Variants in MYRFL observed in about 807,000 individuals in gnomAD.
MYRFL encodes myelin regulatory factor like, also known as myelin regulatory factor-like protein.
A neutral mutation model predicts 109.4 loss-of-function variants in MYRFL; 88 were observed. That is an observed-to-expected ratio of 0.80 (90% CI 0.68 to 0.96). The LOEUF is 0.96. Among genes scored for constraint, MYRFL ranks in the 40% least tolerant of loss-of-function variants. The probability of loss-of-function intolerance (pLI) is 0.00; values close to 1 mark genes in which losing one functional copy is unlikely to be tolerated. For missense variants in MYRFL, 957 were observed against 954.9 expected, an observed-to-expected ratio of 1.00 and a Z score of -0.03; for synonymous variants, 324 against 320.9, an observed-to-expected ratio of 1.01 and a Z score of -0.10.
chr12:69,958,934 ACT>A lies in MYRFL; in HGVS notation c.*406_*407del, dbSNP rs2120573182. The A allele has an allele frequency of 5.3e-6, 1 of 188,368 alleles. No individual in the cohort carries two copies. The highest frequency in any genetic ancestry group is 1.1e-4 in the South Asian group (1 of 9,052). The allele number at this position is 188,368 out of a possible 1,614,324, so 11.7% of individuals were successfully genotyped here. ...GTCGACTTCGGCCCACTAAACATAGACTCTTGAGAATGTGTGATATGGTATGT... is the reference window on the plus strand; with the variant it reads ...GTCGACTTCGGCCCACTAAACATAGACTTGAGAATGTGTGATATGGTATGT... On this transcript the variant is annotated 3_prime_UTR_variant, in exon 25 of 25. Coordinates refer to ENST00000552032, the MANE Select transcript of MYRFL (RefSeq NM_182530.3).
chr12:69,945,606 G>A (rs1295164036), intron 19 of MYRFL, among the ~76,000 whole-genome samples: 1 of 152,154 alleles, frequency 6.6e-6, no homozygotes. Context: ...ATGTAGTTAA[G>A]CAATGCATGA....
At chr12:69,892,941 T>G (rs184409602) in intron 7 of MYRFL, among the ~76,000 whole-genome samples, 1 of 152,220 alleles carries the variant, frequency 6.6e-6, no homozygotes, top group Non-Finnish European at 1.5e-5. Flanking sequence ...AAGGACCCCA[T>G]AAAAATATTG....
chr12:69,875,325 T>C (rs933111042), intron 2 of MYRFL, among the ~76,000 whole-genome samples: 2 of 152,122 alleles, frequency 1.3e-5, no homozygotes, highest in African/African-American at 4.8e-5. Context: ...GAATTTCTAT[T>C]TAGTTTTTTT....
chr12:69,887,160 A>G (rs1017033752), intron 6 of MYRFL, among the ~76,000 whole-genome samples, 190 bp downstream of exon 6: 1 of 152,208 alleles, frequency 6.6e-6, no homozygotes, highest in Non-Finnish European at 1.5e-5. Flanking sequence ...TCTGGCCTTC[A>G]GAAAGCCAGA....
chr12:69,935,326 G>A (rs531648487), intron 16 of MYRFL, among the ~76,000 whole-genome samples: 2 of 151,994 alleles, frequency 1.3e-5, no homozygotes, highest in East Asian at 1.9e-4. Context: ...TTCAAGCCTA[G>A]CACAAAACAG....
At chr12:69,912,807 G>A (rs768697563) in intron 13 of MYRFL, among the ~76,000 whole-genome samples, 1 of 152,020 alleles carries the variant, frequency 6.6e-6, no homozygotes, top group Non-Finnish European at 1.5e-5. Flanking sequence ...CAATTTAGGG[G>A]GAATATTTAC....
intron 21 of MYRFL, among the ~76,000 whole-genome samples, chr12:69,954,430 C>T (rs1255936985): frequency 6.6e-6 from 1 of 152,166 alleles, no homozygotes; most frequent in African/African-American, 2.4e-5. Context: ...ACACTGTTCT[C>T]AATTTGGTGT....
chr12:69,919,969 T>C (rs570630685), intron 13 of MYRFL, among the ~76,000 whole-genome samples: 1 of 152,260 alleles, frequency 6.6e-6, no homozygotes, highest in South Asian at 2.1e-4. Flanking sequence ...AAAGGATGAA[T>C]TGTAGCTTCC....
intron 1 of MYRFL, among the ~76,000 whole-genome samples, chr12:69,850,459 GTAAT>G (rs1883815515): frequency 6.6e-6 from 1 of 151,934 alleles, no homozygotes; most frequent in Non-Finnish European, 1.5e-5. Context: ...TCTGAAAAAA[GTAAT>G]TATTTATTGT....
At chr12:69,957,413 C>T (rs753689355) in intron 22 of MYRFL, among the ~76,000 whole-genome samples, 7 of 151,948 alleles carry the variant, frequency 4.6e-5, no homozygotes, top group Non-Finnish European at 7.4e-5. Context: ...TGTGAGACAA[C>T]ATAAGTCATA....
intron 9 of MYRFL, among the ~76,000 whole-genome samples, chr12:69,896,088 A>G (rs12228198): frequency 0.029 from 4,490 of 152,318 alleles, 97 homozygotes; most frequent in Middle Eastern, 0.068. Context: ...CTTTTAGAAC[A>G]TAGGTTTTGG....
At chr12:69,880,777 G>A (rs1886027652) in intron 5 of MYRFL, among the ~76,000 whole-genome samples, 3 of 152,256 alleles carry the variant, frequency 2.0e-5, no homozygotes, top group South Asian at 2.1e-4. Flanking sequence ...CTCATGGAAG[G>A]CACTCTGAGA....
At chr12:69,863,331 G>A (rs558990041) in intron 2 of MYRFL, among the ~76,000 whole-genome samples, 3 of 152,136 alleles carry the variant, frequency 2.0e-5, no homozygotes, top group South Asian at 4.2e-4. Flanking sequence ...AATGGTACCG[G>A]TTCCTCCTTG....
At chr12:69,944,060 A>G (rs950807368) in intron 19 of MYRFL, among the ~76,000 whole-genome samples, 1 of 150,610 alleles carries the variant, frequency 6.6e-6, no homozygotes, top group East Asian at 2.0e-4. Context: ...ATGTGGAGAA[A>G]TAGGAACACT....
At chr12:69,911,428 A>C (rs1012528796) in intron 13 of MYRFL, among the ~76,000 whole-genome samples, 1 of 152,158 alleles carries the variant, frequency 6.6e-6, no homozygotes, top group African/African-American at 2.4e-5. Context: ...TTTTGATGAA[A>C]CGGTGTTTGA....
At chr12:69,950,993 T>C (rs1342467250) in intron 19 of MYRFL, among the ~76,000 whole-genome samples, 3 of 152,214 alleles carry the variant, frequency 2.0e-5, no homozygotes, top group African/African-American at 7.2e-5. Flanking sequence ...AGAATATTAG[T>C]AGACATTCCC....
chr12:69,825,598 T>G (rs561433839), intron 1 of MYRFL, 35 bp downstream of exon 1: 2 of 696,890 alleles, frequency 2.9e-6, no homozygotes, highest in South Asian at 3.0e-5. Flanking sequence ...ATTTGCTGCT[T>G]CTGAGAAATG....
chr12:69,882,167 A>C (rs1434581856), intron 5 of MYRFL, among the ~76,000 whole-genome samples: 1 of 152,236 alleles, frequency 6.6e-6, no homozygotes, highest in African/African-American at 2.4e-5. Context: ...GGAAATTACT[A>C]GGATTTCCAG....
At chr12:69,939,853 C>T (rs915214569) in intron 19 of MYRFL, among the ~76,000 whole-genome samples, 2 of 152,080 alleles carry the variant, frequency 1.3e-5, no homozygotes, top group African/African-American at 4.8e-5. Flanking sequence ...CTTAAAGGAG[C>T]TGATGGAGCT....
Sources: gnomAD v4.1 joint callset for allele counts (sites outside exome capture counted in the v4.1 genomes callset) on GRCh38, gnomAD v4.1.1 for gene constraint, MANE v1.5 for transcripts, NCBI Gene and HGNC (gene_info 2026-07-23, HGNC 2026-07-21) for gene names.